Variants in ATP8A1 observed in about 807,000 individuals in gnomAD.
ATP8A1 encodes phospholipid-transporting ATPase IA.
In ATP8A1, 90 loss-of-function variants were observed where a neutral mutation model predicts 177.7. The ratio of observed to expected loss-of-function variants is 0.51; its 90% confidence interval spans 0.43 to 0.60. The LOEUF (loss-of-function observed/expected upper bound fraction) is 0.60. Among genes scored for constraint, ATP8A1 ranks in the 20% least tolerant of loss-of-function variants. ATP8A1 has a pLI of 0.00. For missense variants in ATP8A1, 1,072 were observed against 1,392.8 expected (o/e 0.77, Z 3.67); for synonymous variants, 493 against 485.9 (o/e 1.01, Z -0.19).
At chr4:42,607,081 C>G (rs542733897) in intron 5 of ATP8A1, among the ~76,000 whole-genome samples, 1 of 152,168 alleles carries the variant, frequency 6.6e-6, no homozygotes, top group South Asian at 2.1e-4. Context: ...AATAGAGTAA[C>G]GCTTCTTTGA....
rs1271654165 is a variant in ATP8A1 at position 42,537,311 on chromosome 4, T to C, written c.1722+6606A>G. Among the ~76,000 whole-genome samples, 3 of 151,760 alleles carry C rather than the reference T, an allele frequency of 2.0e-5. No individual in the cohort carries two copies. In the East Asian group the frequency reaches 5.8e-4, roughly 29 times the overall value. ...TCTATGACAAACCCATAGTCAACAT[T>C]ATACTGAATGGGAAAAAGTTGAAAG... On this transcript the variant is annotated intron_variant, in intron 20 of 36. Coordinates refer to ENST00000381668, the MANE Select transcript of ATP8A1 (RefSeq NM_006095.2).
chr4:42,611,478 C>T (rs1009711390), intron 5 of ATP8A1, among the ~76,000 whole-genome samples: 2 of 152,224 alleles, frequency 1.3e-5, no homozygotes, highest in African/African-American at 2.4e-5. Context: ...CTATCTCCCA[C>T]ACATTCTCAT....
chr4:42,592,394 G>C (rs1349824633), intron 6 of ATP8A1, among the ~76,000 whole-genome samples: 1 of 152,110 alleles, frequency 6.6e-6, no homozygotes, highest in Admixed American at 6.6e-5. Flanking sequence ...GATAGAGTCA[G>C]ACGGCAAAGA....
chr4:42,557,844 A>C (rs1457040618), intron 15 of ATP8A1, among the ~76,000 whole-genome samples: 1 of 152,064 alleles, frequency 6.6e-6, no homozygotes, highest in Non-Finnish European at 1.5e-5. Flanking sequence ...GGAGTTCGAG[A>C]CCAGCCTGGC....
Position 42,570,524 on chromosome 4 carries a change from G to T in ATP8A1, c.1296-1319C>A, listed in dbSNP as rs111300752. ...TGCACTAGCCCCAATCTCATACCAG[G>T]ACAGGGGATAAAGTTTCCCAAGTCA... is the stretch of plus-strand genomic sequence containing the variant. On this transcript the variant is annotated intron_variant, in intron 14 of 36. Coordinates refer to ENST00000381668, the MANE Select transcript of ATP8A1 (RefSeq NM_006095.2). 9.0e-3 allele frequency among the ~76,000 whole-genome samples: 1,367 copies of T among 152,290 alleles called. 20 individuals are homozygous for T. The highest frequency in any genetic ancestry group is 0.031 in the African/African-American group (1,270 of 41,538).
chr4:42,643,255 A>G (rs1244460496), intron 1 of ATP8A1, among the ~76,000 whole-genome samples: 1 of 152,260 alleles, frequency 6.6e-6, no homozygotes, highest in African/African-American at 2.4e-5. Flanking sequence ...TATTCAGAGA[A>G]AAGAAGATGA....
intron 25 of ATP8A1, among the ~76,000 whole-genome samples, chr4:42,470,812 CT>C (rs1476516506): frequency 3.3e-5 from 5 of 152,286 alleles, no homozygotes; most frequent in African/African-American, 1.2e-4. Flanking sequence ...AATTTGAGGT[CT>C]GCTCCAGGTG....
rs912186620 is a variant in ATP8A1 at position 42,426,120 on chromosome 4, A to T, written c.3124-2415T>A. Among the ~76,000 whole-genome samples the T allele has an allele frequency of 2.6e-5, 4 of 152,348 alleles. 1 individual carries two copies. The highest frequency in any genetic ancestry group is 2.6e-4 in the Admixed American group (4 of 15,306). The stretch of plus-strand genomic sequence containing the variant: ...CTTTCAGGGAACAAACCTTTGAGAA[A>T]ATACGAGTTTATGTGCATTTGGCCA... On this transcript the variant is annotated intron_variant, in intron 33 of 36. Transcript: ENST00000381668.
chr4:42,651,639 A>C (rs1203465966), intron 1 of ATP8A1, among the ~76,000 whole-genome samples: 2 of 152,222 alleles, frequency 1.3e-5, no homozygotes, highest in Non-Finnish European at 2.9e-5. Flanking sequence ...AATAAGCATT[A>C]GTTTTTGTGT....
chr4:42,426,220 C>T lies in ATP8A1; in HGVS notation c.3124-2515G>A, dbSNP rs115604679. On this transcript the variant is annotated intron_variant, in intron 33 of 36. Transcript: ENST00000381668. ...GCATGATCTGTTAGCACCTACGTTC[C>T]CACGCCAGACAGAAACCCTTCTTCA... Among the ~76,000 whole-genome samples, 522 of 152,320 alleles carry T rather than the reference C, an allele frequency of 3.4e-3. 5 individuals are homozygous for T. The highest frequency in any genetic ancestry group is 0.012 in the African/African-American group (494 of 41,572).
chr4:42,604,132 T>A (rs916726573), intron 5 of ATP8A1, among the ~76,000 whole-genome samples: 1 of 152,174 alleles, frequency 6.6e-6, no homozygotes, highest in Non-Finnish European at 1.5e-5. Flanking sequence ...GAATTCTCTT[T>A]CCCTCCATCC....
At chr4:42,471,475 G>C (rs1720406340) in intron 25 of ATP8A1, among the ~76,000 whole-genome samples, 1 of 152,196 alleles carries the variant, frequency 6.6e-6, no homozygotes, top group South Asian at 2.1e-4. Context: ...GTGGTTATAG[G>C]TAAACGTACT....
At chr4:42,635,780 CACATATAT>C (rs1399266844) in intron 1 of ATP8A1, among the ~76,000 whole-genome samples, 5 of 43,466 alleles carry the variant, frequency 1.2e-4, no homozygotes, top group African/African-American at 3.1e-4. Flanking sequence ...CACACACACA[CACATATAT>C]ATATATATAT....
chr4:42,651,453 T>C lies in ATP8A1; in HGVS notation c.49+5372A>G, dbSNP rs145843684. ...CTTTGACCCAAAATGCTGATAATGA[T>C]ACAATGAATTCCAAGCTGAGTAGTC... On this transcript the variant is annotated intron_variant, in intron 1 of 36. Coordinates refer to ENST00000381668, the MANE Select transcript of ATP8A1 (RefSeq NM_006095.2). Among the ~76,000 whole-genome samples the C allele has an allele frequency of 5.4e-4, 82 of 152,280 alleles. 1 individual carries two copies. The highest frequency in any genetic ancestry group is 1.9e-3 in the African/African-American group (77 of 41,568).
At chr4:42,464,495 C>T (rs942659285) in intron 27 of ATP8A1, among the ~76,000 whole-genome samples, 195 bp downstream of exon 27, 4 of 152,146 alleles carry the variant, frequency 2.6e-5, no homozygotes, top group African/African-American at 9.7e-5. Context: ...GAACTCCCGA[C>T]CTCAAGTGAT....
chr4:42,453,140 C>G (rs1196088600), intron 29 of ATP8A1, among the ~76,000 whole-genome samples: 4 of 152,182 alleles, frequency 2.6e-5, no homozygotes, highest in African/African-American at 9.7e-5. Context: ...ATTTTCCTGA[C>G]TGATACTTAT....
intron 17 of ATP8A1, 143 bp downstream of exon 17, chr4:42,552,362 T>C (rs746829112): frequency 1.8e-4 from 117 of 655,736 alleles, no homozygotes; most frequent in Non-Finnish European, 2.8e-4. Flanking sequence ...TATTTAACCT[T>C]GAAAGCCAAG....
At chr4:42,468,550 A>G (rs1436821194) in intron 25 of ATP8A1, among the ~76,000 whole-genome samples, 1 of 152,174 alleles carries the variant, frequency 6.6e-6, no homozygotes, top group Non-Finnish European at 1.5e-5. Context: ...GGAACTGAAG[A>G]CTATTATTGT....
chr4:42,528,425 A>C (rs1267148812), intron 20 of ATP8A1, among the ~76,000 whole-genome samples: 1 of 152,146 alleles, frequency 6.6e-6, no homozygotes, highest in East Asian at 1.9e-4. Flanking sequence ...CCACATCCCC[A>C]TTCAACTCTC....
Sources: gnomAD v4.1 joint callset for allele counts (sites outside exome capture counted in the v4.1 genomes callset) on GRCh38, gnomAD v4.1.1 for gene constraint, MANE v1.5 for transcripts, NCBI Gene and HGNC (gene_info 2026-07-23, HGNC 2026-07-21) for gene names.